Variants in SIPA1L3 observed in about 807,000 individuals in gnomAD.
SIPA1L3 encodes signal-induced proliferation-associated 1-like protein 3.
SIPA1L3 carries 59 observed loss-of-function variants against 150.1 expected under a neutral mutation model. The ratio of observed to expected loss-of-function variants is 0.39; its 90% CI spans 0.32 to 0.49. SIPA1L3 has a LOEUF of 0.49. Ranked by LOEUF, SIPA1L3 falls within the 20% of genes least tolerant of loss-of-function variation. The pLI is 0.86. For synonymous variants in SIPA1L3, 1,070 were observed against 1,077.6 expected (o/e 0.99, Z 0.14); for missense variants, 2,211 against 2,489.5 (o/e 0.89, Z 2.38).
Position 37,907,372 on chromosome 19 carries a change from G to C in SIPA1L3, c.-379+14G>C, listed in dbSNP as rs949438581. On this transcript the variant is annotated intron_variant, in intron 1 of 21. Coordinates refer to ENST00000222345, the MANE Select transcript of SIPA1L3 (RefSeq NM_015073.3). ...CGGGGCGTCCAGGTACGTGGCTCCG[G>C]GTGCAGGATCGGCCTCGCGCAAGGG... The C allele has an allele frequency of 9.8e-5, 15 of 152,416 alleles. No homozygotes were observed. The highest frequency in any genetic ancestry group is 3.4e-4 in the African/African-American group (14 of 41,590). 9.4% of individuals were successfully genotyped at this position (152,416 alleles called of 1,614,324 possible). A position where few individuals can be genotyped will look rare whatever the true frequency, so the allele number is the denominator to read the frequency against.
chr19:38,127,254 T>A (rs959201526), intron 9 of SIPA1L3, among the ~76,000 whole-genome samples: 1 of 152,248 alleles, frequency 6.6e-6, no homozygotes, highest in African/African-American at 2.4e-5. Flanking sequence ...ATGGCTGATC[T>A]TGTTCTTTCT....
chr19:38,007,899 C>T (rs909483512), intron 1 of SIPA1L3, among the ~76,000 whole-genome samples: 2 of 152,054 alleles, frequency 1.3e-5, no homozygotes, highest in African/African-American at 4.8e-5. Context: ...GTGTTTATCA[C>T]GGTCTGATGT....
chr19:38,139,177 C>T (rs557348048), intron 10 of SIPA1L3, among the ~76,000 whole-genome samples: 1 of 152,086 alleles, frequency 6.6e-6, no homozygotes, highest in African/African-American at 2.4e-5. Flanking sequence ...GCCTGGGTGA[C>T]AGAGCAAGAC....
chr19:38,002,786 TTATC>T (rs1967840845), intron 1 of SIPA1L3, among the ~76,000 whole-genome samples: 1 of 151,514 alleles, frequency 6.6e-6, no homozygotes, highest in Non-Finnish European at 1.5e-5. Context: ...GCTTATCTAT[TTATC>T]TGTTGATGGA....
At chr19:38,178,601 G>A (rs777785758) in intron 15 of SIPA1L3, among the ~76,000 whole-genome samples, 4 of 152,008 alleles carry the variant, frequency 2.6e-5, no homozygotes, top group Non-Finnish European at 4.4e-5. Flanking sequence ...TCAGCCTCCC[G>A]AGTAGCTGGG....
chr19:38,126,691 C>T (rs1971180960), intron 9 of SIPA1L3, among the ~76,000 whole-genome samples: 1 of 151,910 alleles, frequency 6.6e-6, no homozygotes, highest in Admixed American at 6.6e-5. Flanking sequence ...TGTGCACCAC[C>T]ATGCCCAGCT....
chr19:38,130,515 G>T lies in SIPA1L3; in HGVS notation c.2886G>T (p.Trp962Cys). ...VQRLKVMTSG[W>C]ETVDMTLRRN... Reference sequence around the variant, plus strand: ...GCCTGCAGGTGATGACCAGTGGCTGGGAGACGGTGGACATGACGCTTCGGC... The same window carrying T: ...GCCTGCAGGTGATGACCAGTGGCTGTGAGACGGTGGACATGACGCTTCGGC... Residue 962 changes from tryptophan to cysteine, a missense_variant, in exon 10 of 22, where the codon TGG becomes TGT. By Grantham distance (215) the Trp-to-Cys change is radical. Coordinates refer to ENST00000222345, the MANE Select transcript of SIPA1L3 (RefSeq NM_015073.3). The T allele has an allele frequency of 6.2e-7, 1 of 1,612,328 alleles. No individual in the cohort carries two copies.
chr19:38,178,670 GT>G (rs1354908597), intron 15 of SIPA1L3, among the ~76,000 whole-genome samples: 2 of 152,034 alleles, frequency 1.3e-5, no homozygotes, highest in African/African-American at 4.8e-5. Flanking sequence ...TAGAGACAGG[GT>G]TTCACTGTGT....
intron 2 of SIPA1L3, among the ~76,000 whole-genome samples, chr19:38,030,120 C>CTGGG (rs140476348): frequency 0.13 from 19,880 of 152,048 alleles, 1,329 homozygotes; most frequent in South Asian, 0.21. Context: ...TCCCAAAATG[C>CTGGG]TGGGATTACA....
At chr19:37,909,720 GT>G (rs2046362953) in intron 1 of SIPA1L3, among the ~76,000 whole-genome samples, 1 of 152,122 alleles carries the variant, frequency 6.6e-6, no homozygotes, top group Non-Finnish European at 1.5e-5. Flanking sequence ...AAGTTAGATG[GT>G]GTCAGCGGCT....
chr19:38,021,198 AG>A (rs1289804373), intron 1 of SIPA1L3, among the ~76,000 whole-genome samples: 1 of 152,156 alleles, frequency 6.6e-6, no homozygotes, highest in Non-Finnish European at 1.5e-5. Context: ...CGGCTGCAGC[AG>A]GTGTTTCAGT....
intron 1 of SIPA1L3, among the ~76,000 whole-genome samples, chr19:37,927,521 CGTGTGTGTGT>C (rs144453861): frequency 3.3e-4 from 45 of 136,826 alleles, no homozygotes; most frequent in Admixed American, 5.2e-4. Context: ...GTCTGTTGTT[CGTGTGTGTGT>C]GTGTGTGTGT....
chr19:38,197,992 G>A (rs1973000733), intron 18 of SIPA1L3, among the ~76,000 whole-genome samples: 1 of 151,940 alleles, frequency 6.6e-6, no homozygotes, highest in Admixed American at 6.6e-5. Flanking sequence ...CGGCCGTGTT[G>A]CCTCTGTTCT....
chr19:38,203,901 G>A (rs1344731172), intron 20 of SIPA1L3: 1 of 546,304 alleles, frequency 1.8e-6, no homozygotes, highest in Non-Finnish European at 3.3e-6. Context: ...CCCTTCCCCT[G>A]GCCTGGTGCT....
In SIPA1L3 at chr19:38,192,208, C is replaced by T. The variant is rs1164157582; in HGVS notation, c.4494C>T (p.Asp1498=). 6.2e-7 allele frequency: 1 copy of T among 1,613,666 alleles called. No homozygotes were observed. The highest frequency in any genetic ancestry group is 1.7e-5 in the Admixed American group (1 of 59,930). The change falls in exon 17 of 22, where the codon GAC becomes GAT. Residue 1498 remains aspartate, a synonymous_variant. Transcript: ENST00000222345. ...CGAGGTTGAGGGCATCCCTCCGAGA[C>T]CTCCGGTCACCACGGAAGAACTACA... is the stretch of plus-strand genomic sequence containing the variant. ...GQPRLRASLR[D]LRSPRKNYKS...
At chr19:38,205,628 C>G (rs1385207814) in intron 21 of SIPA1L3, among the ~76,000 whole-genome samples, 1 of 152,142 alleles carries the variant, frequency 6.6e-6, no homozygotes, top group East Asian at 1.9e-4. Context: ...CAACCTGAAA[C>G]AGGTCCCTGC....
intron 12 of SIPA1L3, among the ~76,000 whole-genome samples, chr19:38,150,620 T>A (rs1971799828): frequency 6.8e-6 from 1 of 147,844 alleles, no homozygotes; most frequent in Non-Finnish European, 1.5e-5. Context: ...GCAACCGCAA[T>A]CTCCGCCTCC....
intron 3 of SIPA1L3, 138 bp from the exon 4 acceptor site, chr19:38,088,583 A>T: frequency 9.7e-7 from 1 of 1,033,294 alleles, no homozygotes; most frequent in Non-Finnish European, 1.4e-6. Flanking sequence ...GTCTGTGACC[A>T]GGCATGAGGT....
intron 1 of SIPA1L3, among the ~76,000 whole-genome samples, chr19:38,012,692 A>G (rs905629082): frequency 7.6e-5 from 10 of 131,728 alleles, no homozygotes; most frequent in Non-Finnish European, 1.4e-4. Context: ...TCTCCTCCCC[A>G]GGTGAGTCCA....
Sources: allele counts gnomAD v4.1 joint callset (sites outside exome capture counted in the v4.1 genomes callset), GRCh38; gene constraint gnomAD v4.1.1; transcripts MANE v1.5; gene names NCBI Gene and HGNC (gene_info 2026-07-23, HGNC 2026-07-21).